ZNF786: variants seen among roughly 807,000 people sequenced by gnomAD.
ZNF786 encodes the protein zinc finger protein 786.
ZNF786 carries 56 observed loss-of-function variants against 63.1 expected under a neutral mutation model. That is an observed-to-expected ratio of 0.89 (90% CI 0.72 to 1.11). ZNF786 has a LOEUF of 1.11. Among genes scored for constraint, ZNF786 ranks in the 50% least tolerant of loss-of-function variants. The pLI is 0.00. For synonymous variants in ZNF786, 485 were observed against 406.9 expected (o/e 1.19, Z -2.31); for missense variants, 1,213 against 1,041.8 (o/e 1.16, Z -2.26).
rs773338864 is a variant in ZNF786 at position 149,090,598 on chromosome 7, C to A, written c.18+25G>T. The A allele has an allele frequency of 3.8e-6, 6 of 1,568,306 alleles. No individual in the cohort carries two copies. The South Asian group carries it at 5.8e-5, about 15-fold the overall frequency. On this transcript the variant is annotated intron_variant, in intron 1 of 3. Coordinates refer to ENST00000491431, the MANE Select transcript of ZNF786 (RefSeq NM_152411.4). The stretch of plus-strand genomic sequence containing the variant: ...GACCCACCACGACCCCGAAACCGGG[C>A]GTCCAAACAGGCTAGCCCGCTTACC...
Position 149,070,579 on chromosome 7 carries a change from G to A in ZNF786, c.2193C>T (p.Pro731=). 6.2e-7 allele frequency: 1 copy of A among 1,614,014 alleles called. No individual in the cohort carries two copies. Among genetic ancestry groups the A allele is most frequent in the Middle Eastern group, 1.7e-4 (1 of 6,060 alleles). ...CCTTCCCACAATCGCCACAGGCAAA[G>A]GGCCTCTCGGGCCTGTGGATGCGCT... is the stretch of plus-strand genomic sequence containing the variant. ...RHQRIHRPER[P]FACGDCGKGF... Residue 731 remains proline, a synonymous_variant, in exon 4 of 4, where the codon CCC becomes CCT. Transcript: ENST00000491431.
In ZNF786 at chr7:149,071,487, T is replaced by A. The variant is rs541346930; in HGVS notation, c.1285A>T (p.Lys429Ter). ...HGGERPFSCR[K>*]CGKGFAKQCK... ...TGCTTGGCGAAGCCCTTGCCACACTTCCTGCAGGAGAACGGTCTCTCCCCA... is the reference window on the plus strand; with the variant it reads ...TGCTTGGCGAAGCCCTTGCCACACTACCTGCAGGAGAACGGTCTCTCCCCA... The change falls in exon 4 of 4, where the codon AAG becomes TAG. Residue 429 changes from lysine (K) to a stop codon, truncating the protein, a stop_gained. Transcript: ENST00000491431. LOFTEE classifies it high-confidence loss of function. 92 of 1,598,754 alleles carry A rather than the reference T, an allele frequency of 5.8e-5. 1 individual carries two copies. In the South Asian group the frequency reaches 1.0e-3, roughly 17 times the overall value.
At chr7:149,082,612 C>T (rs373854023) in intron 1 of ZNF786, 4 of 340,728 alleles carry the variant, frequency 1.2e-5, no homozygotes, top group Admixed American at 6.5e-5. Flanking sequence ...GACGGCATCT[C>T]GCTCTGTTGC....
chr7:149,074,360 C>T (rs1208184920), intron 3 of ZNF786, 26 bp downstream of exon 3: 5 of 1,610,840 alleles, frequency 3.1e-6, no homozygotes, highest in East Asian at 2.2e-5. Flanking sequence ...GTCTCAAGGT[C>T]GGGGCCCTGA....
Position 149,090,698 on chromosome 7 carries a change from G to A in ZNF786, c.-58C>T, listed in dbSNP as rs1487704063. 5 of 1,550,838 alleles carry A rather than the reference G, an allele frequency of 3.2e-6. No homozygotes were observed. The highest frequency in any genetic ancestry group is 2.8e-5 in the African/African-American group (2 of 71,684). On this transcript the variant is annotated 5_prime_UTR_variant, in exon 1 of 4. Coordinates refer to ENST00000491431, the MANE Select transcript of ZNF786 (RefSeq NM_152411.4). Reference sequence around the variant, plus strand: ...CCGACCGTCTCCGGCGGCTCCGCAGGAACCTGCCCTGCTGCGCACTGACTC... The same window carrying A: ...CCGACCGTCTCCGGCGGCTCCGCAGAAACCTGCCCTGCTGCGCACTGACTC...
chr7:149,079,026 C>A (rs919455435), intron 2 of ZNF786, among the ~76,000 whole-genome samples: 1 of 152,098 alleles, frequency 6.6e-6, no homozygotes, highest in Non-Finnish European at 1.5e-5. Flanking sequence ...TTATTGGAAG[C>A]GTATTTAGAT....
At chr7:149,083,185 C>A (rs554041676) in intron 1 of ZNF786, among the ~76,000 whole-genome samples, 103 of 152,200 alleles carry the variant, frequency 6.8e-4, no homozygotes, top group African/African-American at 2.4e-3. Context: ...GCGCGAGCCA[C>A]CGCACCCAGC....
At position 149,072,386 on chromosome 7, in the gene ZNF786, G is replaced by GA. The variant is rs761819760; in HGVS notation, c.385dup (p.Ser129PhefsTer5). On this transcript the variant is annotated frameshift_variant, in exon 4 of 4. Coordinates refer to ENST00000491431, the MANE Select transcript of ZNF786 (RefSeq NM_152411.4). LOFTEE classifies it high-confidence loss of function. ...GGTGATGCCTTGGTCAGGCCTGAAG[G>GA]AAACAAAGGATCCAAAGGAACACTG... The GA allele has an allele frequency of 3.6e-5, 58 of 1,613,178 alleles. 1 individual carries two copies. The highest frequency in any genetic ancestry group is 8.5e-7 in the Non-Finnish European group (1 of 1,179,616).
In ZNF786 at chr7:149,076,675, C is replaced by T. The variant is rs144984280; in HGVS notation, c.146-2137G>A. On this transcript the variant is annotated intron_variant, in intron 2 of 3. Transcript: ENST00000491431. The stretch of plus-strand genomic sequence containing the variant: ...TGGAGGTTGTGGTGAGCCGAGATCG[C>T]GCCACTGCACTCCAGCCTGGGCAAG... Among the ~76,000 whole-genome samples, 1,070 of 147,066 alleles carry T rather than the reference C, an allele frequency of 7.3e-3. 12 individuals carry two copies. The highest frequency in any genetic ancestry group is 0.025 in the African/African-American group (978 of 39,858).
At chr7:149,074,269 C>G in intron 3 of ZNF786, 117 bp downstream of exon 3, 17 of 1,192,692 alleles carry the variant, frequency 1.4e-5, no homozygotes, top group Non-Finnish European at 1.9e-5. Context: ...CTGCCTTTAT[C>G]TAGAAGATAA....
At chr7:149,074,565 T>G in intron 2 of ZNF786, 27 bp from the exon 3 acceptor site, 2 of 1,599,944 alleles carry the variant, frequency 1.3e-6, no homozygotes, top group South Asian at 2.3e-5. Context: ...GACAGGGTAG[T>G]TTGGCTTCCT....
chr7:149,089,247 C>T (rs903059175), intron 1 of ZNF786, among the ~76,000 whole-genome samples: 2 of 151,344 alleles, frequency 1.3e-5, no homozygotes, highest in Admixed American at 6.6e-5. Flanking sequence ...CCACCACGCC[C>T]GGCCCTGTTG....
In ZNF786 at chr7:149,072,339, C is replaced by A; in HGVS notation, c.433G>T (p.Asp145Tyr). The change falls in exon 4 of 4, where the codon GAC becomes TAC. Residue 145 changes from aspartate (D) to tyrosine (Y), a missense_variant. Physicochemically the swap from Asp to Tyr is radical, Grantham distance 160. Transcript: ENST00000491431. ...GITLGSPQRH[D>Y]ARAPPPLACG... ...GCTAGTGGTGGAGGAGCCCTGGCGT[C>A]GTGTCTCTGTGGGCTCCCGAGGGTG... The A allele has an allele frequency of 6.2e-7, 1 of 1,613,716 alleles. No homozygotes were observed.
chr7:149,080,058 G>A (rs965008067), intron 2 of ZNF786, among the ~76,000 whole-genome samples: 1 of 151,972 alleles, frequency 6.6e-6, no homozygotes, highest in Non-Finnish European at 1.5e-5. Context: ...TGTAGTCCCA[G>A]TTACTCGGTA....
At position 149,071,395 on chromosome 7, in the gene ZNF786, G is replaced by A; in HGVS notation, c.1377C>T (p.Gly459=). The change falls in exon 4 of 4, where the codon GGC becomes GGT. Residue 459 remains glycine (G), a synonymous_variant. Transcript: ENST00000491431. ...GEKPFRCAKC[G]RNFRQRGQLL... ...GCTGTCCCCTCTGACGGAAGTTCCT[G>A]CCACACTTGGCACACCGGAAAGGCT... is the stretch of plus-strand genomic sequence containing the variant. The A allele has an allele frequency of 6.2e-7, 1 of 1,613,356 alleles. No homozygotes were observed. Among genetic ancestry groups the A allele is most frequent in the South Asian group, 1.1e-5 (1 of 91,056 alleles).
intron 2 of ZNF786, among the ~76,000 whole-genome samples, chr7:149,075,655 G>GTTTTTTTTTTTTTTTTTT (rs1165713050): frequency 1.4e-5 from 1 of 69,454 alleles, no homozygotes; most frequent in Non-Finnish European, 2.4e-5. Context: ...CACACTTCAG[G>GTTTTTTTTTTTTTTTTTT]TTTTTTTTTT....
chr7:149,074,325 GAAGAGAAAC>G (rs1825502522), intron 3 of ZNF786, 52 bp downstream of exon 3: 26 of 1,584,550 alleles, frequency 1.6e-5, no homozygotes, highest in Non-Finnish European at 2.2e-5. Flanking sequence ...CAAGATCAGA[GAAGAGAAAC>G]AAATCTGAAC....
chr7:149,081,598 G>A (rs1825655115), intron 1 of ZNF786, among the ~76,000 whole-genome samples: 1 of 152,032 alleles, frequency 6.6e-6, no homozygotes, highest in Non-Finnish European at 1.5e-5. Context: ...CAAAAAGAAT[G>A]CAGCACATTT....
chr7:149,088,438 C>T (rs915795270), intron 1 of ZNF786, among the ~76,000 whole-genome samples: 1 of 152,152 alleles, frequency 6.6e-6, no homozygotes, highest in African/African-American at 2.4e-5. Context: ...ACATTTCTCC[C>T]AATAAGCTCT....
Sources: allele counts gnomAD v4.1 joint callset (sites outside exome capture counted in the v4.1 genomes callset), GRCh38; gene constraint gnomAD v4.1.1; transcripts MANE v1.5; gene names NCBI Gene and HGNC (gene_info 2026-07-23, HGNC 2026-07-21).